THSD7B: variants seen among roughly 807,000 people sequenced by gnomAD.
THSD7B encodes thrombospondin type 1 domain containing 7B, also known as thrombospondin type-1 domain-containing protein 7B.
Under a neutral mutation model 213.6 loss-of-function variants are expected in THSD7B, and 138 were observed. The ratio of observed to expected loss-of-function variants is 0.65; its 90% CI spans 0.56 to 0.74. The LOEUF (loss-of-function observed/expected upper bound fraction) is 0.74. Ranked by LOEUF, THSD7B falls within the 30% of genes least tolerant of loss-of-function variation. The probability of loss-of-function intolerance (pLI) is 0.00; values close to 1 mark genes in which losing one functional copy is unlikely to be tolerated. For missense variants in THSD7B, 1,931 were observed against 1,991.5 expected, an observed-to-expected ratio of 0.97 and a Z score of 0.58; for synonymous variants, 742 against 687.0, an observed-to-expected ratio of 1.08 and a Z score of -1.25.
chr2:136,848,602 A>G (rs1019685523), intron 1 of THSD7B, among the ~76,000 whole-genome samples: 123 of 152,164 alleles, frequency 8.1e-4, no homozygotes, highest in Non-Finnish European at 1.8e-4. Context: ...TTTCCTGAAT[A>G]TATTTGTGAG....
chr2:137,488,599 T>C (rs548294258), intron 15 of THSD7B, among the ~76,000 whole-genome samples: 10 of 152,338 alleles, frequency 6.6e-5, no homozygotes, highest in African/African-American at 2.4e-4. Flanking sequence ...TTTCACAATT[T>C]TCTTCCCTCA....
intron 12 of THSD7B, among the ~76,000 whole-genome samples, chr2:137,324,112 T>C (rs893063560): frequency 4.5e-4 from 69 of 152,294 alleles, no homozygotes; most frequent in African/African-American, 1.6e-3. Context: ...AAAAAGTCAC[T>C]ACAGGTCAAC....
intron 15 of THSD7B, among the ~76,000 whole-genome samples, chr2:137,454,061 G>A (rs943910180): frequency 6.6e-6 from 1 of 152,132 alleles, no homozygotes; most frequent in Non-Finnish European, 1.5e-5. Context: ...AAATAGTGCT[G>A]TAATGAGTAT....
At chr2:137,590,445 C>A (rs1051506469) in intron 17 of THSD7B, among the ~76,000 whole-genome samples, 1 of 152,154 alleles carries the variant, frequency 6.6e-6, no homozygotes, top group Non-Finnish European at 1.5e-5. Flanking sequence ...TAAACATGTA[C>A]AAGATTGTAT....
intron 2 of THSD7B, among the ~76,000 whole-genome samples, chr2:137,015,561 A>G (rs1686323067): frequency 1.3e-5 from 2 of 152,276 alleles, no homozygotes; most frequent in South Asian, 2.1e-4. Flanking sequence ...TGGACACATC[A>G]TATTTCATAT....
intron 7 of THSD7B, among the ~76,000 whole-genome samples, chr2:137,211,945 T>C (rs978666142): frequency 3.9e-5 from 6 of 152,000 alleles, no homozygotes; most frequent in African/African-American, 1.2e-4. Context: ...ATATGTATCA[T>C]AGTAAGAAAA....
chr2:137,254,438 C>G (rs557585700), intron 10 of THSD7B, among the ~76,000 whole-genome samples: 10 of 152,190 alleles, frequency 6.6e-5, no homozygotes, highest in African/African-American at 1.4e-4. Flanking sequence ...AATATCCTCT[C>G]TCATTGCTGA....
chr2:137,195,665 GATAA>G (rs1388604236), intron 7 of THSD7B, among the ~76,000 whole-genome samples: 1 of 151,970 alleles, frequency 6.6e-6, no homozygotes, highest in Non-Finnish European at 1.5e-5. Flanking sequence ...TGAATAAATA[GATAA>G]ATAAGTGGGG....
chr2:136,907,849 G>T (rs1418119130), intron 2 of THSD7B, among the ~76,000 whole-genome samples: 1 of 152,158 alleles, frequency 6.6e-6, no homozygotes, highest in Non-Finnish European at 1.5e-5. Flanking sequence ...TCTGAAGCTG[G>T]AAAATAAATG....
chr2:137,201,476 T>A (rs1356118661), intron 7 of THSD7B, among the ~76,000 whole-genome samples: 1 of 152,162 alleles, frequency 6.6e-6, no homozygotes, highest in Non-Finnish European at 1.5e-5. Flanking sequence ...TACTTTTATT[T>A]TCTTGAGAAA....
At chr2:136,845,936 G>T (rs1683001892) in intron 1 of THSD7B, among the ~76,000 whole-genome samples, 1 of 152,156 alleles carries the variant, frequency 6.6e-6, no homozygotes, top group African/African-American at 2.4e-5. Context: ...GGGGTATTGG[G>T]ATCATTCCCG....
At chr2:137,384,539 GAACA>G (rs1279563040) in intron 12 of THSD7B, among the ~76,000 whole-genome samples, 5 of 152,152 alleles carry the variant, frequency 3.3e-5, no homozygotes. Context: ...AGCACAGAAG[GAACA>G]TGAACCATGA....
intron 7 of THSD7B, among the ~76,000 whole-genome samples, chr2:137,177,082 GAAATGAT>G (rs1185481524): frequency 6.6e-6 from 1 of 152,174 alleles, no homozygotes; most frequent in Non-Finnish European, 1.5e-5. Context: ...TTTCAAAGCA[GAAATGAT>G]ATACTATCTC....
chr2:137,202,752 A>T (rs944508857), intron 7 of THSD7B, among the ~76,000 whole-genome samples: 1 of 152,160 alleles, frequency 6.6e-6, no homozygotes, highest in Non-Finnish European at 1.5e-5. Context: ...GCTTTGAGAA[A>T]AGAGAGGCTG....
rs1683508092 is a variant in THSD7B, at chr2:137,298,006, G to T, written c.2500+21980G>T. Among the ~76,000 whole-genome samples the T allele has an allele frequency of 2.6e-5, 4 of 152,208 alleles. No individual in the cohort carries two copies. The South Asian group carries it at 8.4e-4, about 32-fold the overall frequency. ...AGAATACCCAAAAACTTTGGAACTGGGTAGCAGGCAGAAGTTGGAACAATT... is the reference window on the plus strand; with the variant it reads ...AGAATACCCAAAAACTTTGGAACTGTGTAGCAGGCAGAAGTTGGAACAATT... On this transcript the variant is annotated intron_variant, in intron 12 of 27. Transcript: ENST00000409968.
At chr2:137,038,745 A>G (rs1048126796) in intron 2 of THSD7B, among the ~76,000 whole-genome samples, 4 of 152,212 alleles carry the variant, frequency 2.6e-5, no homozygotes, top group Non-Finnish European at 4.4e-5. Context: ...TGCAATCTGT[A>G]CCATTCACCT....
At chr2:137,134,315 G>A (rs1017285793) in intron 5 of THSD7B, among the ~76,000 whole-genome samples, 7 of 152,068 alleles carry the variant, frequency 4.6e-5, no homozygotes, top group Admixed American at 1.3e-4. Context: ...TTTTTCATAT[G>A]TTCTTGTTTT....
At chr2:137,375,865 A>G (rs891331240) in intron 12 of THSD7B, among the ~76,000 whole-genome samples, 50 of 152,330 alleles carry the variant, frequency 3.3e-4, no homozygotes, top group African/African-American at 1.1e-3. Context: ...AGCTTTGTAC[A>G]TAACAGACGA....
chr2:137,131,895 A>G (rs1688739285), intron 5 of THSD7B, among the ~76,000 whole-genome samples: 2 of 151,976 alleles, frequency 1.3e-5, no homozygotes, highest in Non-Finnish European at 2.9e-5. Flanking sequence ...ACTTTAAAGT[A>G]GTTTTTTCCA....
Sources: gnomAD v4.1 joint callset for allele counts (sites outside exome capture counted in the v4.1 genomes callset) on GRCh38, gnomAD v4.1.1 for gene constraint, MANE v1.5 for transcripts, NCBI Gene and HGNC (gene_info 2026-07-23, HGNC 2026-07-21) for gene names.